The following LRR1 variants were observed in gnomAD, a reference collection of about 807,000 sequenced individuals.
The protein encoded by LRR1 is leucine-rich repeat protein 1.
In LRR1, 29 loss-of-function variants were observed where a neutral mutation model predicts 31.6. The observed-to-expected ratio is 0.92, with a 90% CI of 0.68 to 1.25. LRR1 has a LOEUF of 1.25. LRR1 is among the 50% of genes most tolerant of loss of function. The pLI, the probability that LRR1 is intolerant of heterozygous loss-of-function variation, is 0.00. For missense variants in LRR1, 485 were observed against 487.2 expected (o/e 1.00, Z 0.04); for synonymous variants, 179 against 181.4 (o/e 0.99, Z 0.10).
chr14:49,608,406 ATTTTTTTTTTTTTTTTTTTTTTTTTTTTT>A (rs71408651), intron 3 of LRR1, among the ~76,000 whole-genome samples: 1 of 21,098 alleles, frequency 4.7e-5, no homozygotes, highest in African/African-American at 1.8e-4. Flanking sequence ...ACATTGCTTG[ATTTTTTTTTTTTTTTTTTTTTTTTTTTTT>A]TTTTTTTTTT....
chr14:49,611,481 GTCAA>G (rs1882510444), intron 3 of LRR1, among the ~76,000 whole-genome samples: 1 of 152,078 alleles, frequency 6.6e-6, no homozygotes. Flanking sequence ...GTCTCAATCA[GTCAA>G]TCAGTTAATT....
At chr14:49,610,499 C>T (rs1357661019) in intron 3 of LRR1, among the ~76,000 whole-genome samples, 2 of 152,028 alleles carry the variant, frequency 1.3e-5, no homozygotes, top group Non-Finnish European at 2.9e-5. Flanking sequence ...AAGCAATCCA[C>T]CTGGCTTGGC....
At chr14:49,612,761 A>G in intron 3 of LRR1, 1 of 520,638 alleles carries the variant, frequency 1.9e-6, no homozygotes, top group Non-Finnish European at 2.6e-6. Context: ...GTGCCAGCCT[A>G]AGCTAGAGAC....
chr14:49,606,649 ATT>A (rs58159657), intron 2 of LRR1, among the ~76,000 whole-genome samples: 34,913 of 144,844 alleles, frequency 0.24, 4,500 homozygotes, highest in African/African-American at 0.32. Context: ...TTAAACTCAA[ATT>A]TTTTTTTTTT....
rs560398717 is a variant in LRR1 at position 49,601,995 on chromosome 14, T to G, written c.184-375T>G. Among the ~76,000 whole-genome samples, 196 of 152,016 alleles carry G rather than the reference T, an allele frequency of 1.3e-3. 1 individual carries two copies. Among genetic ancestry groups the G allele is most frequent in the African/African-American group, 4.3e-3 (178 of 41,436 alleles). ...TAAAAATACAAAAATTAGCCGGGCATGGTGGCACGCACCTGTAATCCGAGC... is the reference window on the plus strand; with the variant it reads ...TAAAAATACAAAAATTAGCCGGGCAGGGTGGCACGCACCTGTAATCCGAGC... On this transcript the variant is annotated intron_variant, in intron 1 of 3. Coordinates refer to ENST00000298288, the MANE Select transcript of LRR1 (RefSeq NM_152329.4).
In LRR1 at chr14:49,614,337, C is replaced by T. The variant is rs768600602; in HGVS notation, c.1086C>T (p.Phe362=). 1 of 1,613,914 alleles carries T rather than the reference C, an allele frequency of 6.2e-7. No homozygotes were observed. The change falls in exon 4 of 4, where the codon TTC becomes TTT. Residue 362 remains phenylalanine (F), a synonymous_variant. Coordinates refer to ENST00000298288, the MANE Select transcript of LRR1 (RefSeq NM_152329.4). ...CAAAAATTTGTGTTTGTGGAAGATT[C>T]TGTCTGAACTCTTTCATTCAAGGAA... The part of the protein sequence containing the change: ...DTAKICVCGR[F]CLNSFIQGTT...
chr14:49,599,277 C>T (rs1881941392), intron 1 of LRR1, 74 bp downstream of exon 1: 4 of 1,462,288 alleles, frequency 2.7e-6, no homozygotes, highest in South Asian at 2.7e-5. Context: ...CCTCGGTCCT[C>T]ATGCTCCCGG....
At chr14:49,603,882 C>T (rs1340956461) in intron 2 of LRR1, among the ~76,000 whole-genome samples, 5 of 151,092 alleles carry the variant, frequency 3.3e-5, no homozygotes, top group Admixed American at 6.6e-5. Flanking sequence ...TTAGTAGAGA[C>T]GGGTTTCACC....
In LRR1 at chr14:49,605,852, G is replaced by A. The variant is rs112215560; in HGVS notation, c.283-1548G>A. Among the ~76,000 whole-genome samples the A allele has an allele frequency of 5.1e-3, 769 of 152,106 alleles. 8 individuals are homozygous for A. The highest frequency in any genetic ancestry group is 0.018 in the African/African-American group (735 of 41,490). ...CTTCTCCAGACTTTTCCCTACTCTG[G>A]TTCATTGTGTACAGTGCTACCAAAA... On this transcript the variant is annotated intron_variant, in intron 2 of 3. Coordinates refer to ENST00000298288, the MANE Select transcript of LRR1 (RefSeq NM_152329.4).
At chr14:49,604,788 T>C (rs1272621492) in intron 2 of LRR1, among the ~76,000 whole-genome samples, 1 of 151,554 alleles carries the variant, frequency 6.6e-6, no homozygotes, top group African/African-American at 2.4e-5. Context: ...AAAAAATTTA[T>C]AAACCATTAG....
At chr14:49,601,460 T>A (rs944388052) in intron 1 of LRR1, 194 of 556,674 alleles carry the variant, frequency 3.5e-4, no homozygotes, top group Admixed American at 9.3e-4. Context: ...TAATTTTTTT[T>A]AAATTTTAAA....
intron 3 of LRR1, among the ~76,000 whole-genome samples, chr14:49,609,986 G>C (rs911429724): frequency 1.3e-5 from 2 of 151,760 alleles, no homozygotes; most frequent in Non-Finnish European, 2.9e-5. Flanking sequence ...GGAATTACAG[G>C]TGTGAGCCTC....
At chr14:49,608,855 T>C in intron 3 of LRR1, among the ~76,000 whole-genome samples, 1 of 151,424 alleles carries the variant, frequency 6.6e-6, no homozygotes, top group African/African-American at 2.4e-5. Flanking sequence ...GGAGTCAGAC[T>C]TGGATTTGAT....
Position 49,607,844 on chromosome 14 carries a change from G to C in LRR1, c.727G>C (p.Val243Leu), listed in dbSNP as rs774080283. The change falls in exon 3 of 4, where the codon GTG becomes CTG. Residue 243 changes from valine to leucine, a missense_variant. Coordinates refer to ENST00000298288, the MANE Select transcript of LRR1 (RefSeq NM_152329.4). ...CAAGAACAAAATCAAGGCACTCCCT[G>C]TGCAGTTTTGCCAGCTCCAGGAACT... Reference protein sequence around the residue: ...LSKNKIKALPVQFCQLQELKN... With the variant: ...LSKNKIKALPLQFCQLQELKN... The C allele has an allele frequency of 8.1e-6, 13 of 1,613,872 alleles. No homozygotes were observed. The highest frequency in any genetic ancestry group is 1.1e-5 in the Non-Finnish European group (13 of 1,179,946).
intron 1 of LRR1, chr14:49,600,767 A>C (rs1251041497): frequency 1.1e-6 from 1 of 890,860 alleles, no homozygotes; most frequent in Admixed American, 3.2e-5. Context: ...TTTATTAAGA[A>C]TGTTCCTTAA....
Position 49,599,150 on chromosome 14 carries a change from C to T in LRR1, c.130C>T (p.Arg44Ter). ...GACTTCCAGGAGTCAGCCGCCGGTC[C>T]GAGCCTTCCTGCTCATCTCCACCCT... The part of the protein sequence containing the change: ...QQTSRSQPPV[R>*]AFLLISTLKD... Residue 44 changes from arginine (R) to a stop codon, truncating the protein, a stop_gained, in exon 1 of 4, where the codon CGA (arginine) becomes TGA (stop). Coordinates refer to ENST00000298288, the MANE Select transcript of LRR1 (RefSeq NM_152329.4). LOFTEE classifies it high-confidence loss of function. 2.5e-6 allele frequency: 4 copies of T among 1,608,976 alleles called. No individual in the cohort carries two copies. The highest frequency in any genetic ancestry group is 1.1e-5 in the South Asian group (1 of 89,946).
chr14:49,607,252 A>G, intron 2 of LRR1, 148 bp from the exon 3 acceptor site: 2 of 811,392 alleles, frequency 2.5e-6, no homozygotes, highest in Non-Finnish European at 3.6e-6. Context: ...TAGTCAAAAT[A>G]AAGTACTAAA....
intron 2 of LRR1, among the ~76,000 whole-genome samples, chr14:49,604,355 A>G (rs1407383211): frequency 2.6e-5 from 4 of 151,942 alleles, no homozygotes; most frequent in Non-Finnish European, 4.4e-5. Flanking sequence ...GGCTGGGTGC[A>G]GTGGCTCACA....
chr14:49,609,285 G>T (rs1882423596), intron 3 of LRR1, among the ~76,000 whole-genome samples: 1 of 137,526 alleles, frequency 7.3e-6, no homozygotes. Context: ...GAGTGCAGTG[G>T]TCCAATCTCA....
Sources: gnomAD v4.1 joint callset for allele counts (sites outside exome capture counted in the v4.1 genomes callset) on GRCh38, gnomAD v4.1.1 for gene constraint, MANE v1.5 for transcripts, NCBI Gene and HGNC (gene_info 2026-07-23, HGNC 2026-07-21) for gene names.